The following LDB3 variants were observed in gnomAD, a reference collection of about 807,000 sequenced individuals.
LDB3 encodes the protein LIM domain binding 3.
LDB3 carries 49 observed loss-of-function variants against 69.0 expected under a neutral mutation model. That is an observed-to-expected ratio of 0.71 (90% CI 0.56 to 0.90). LDB3 has a LOEUF of 0.90. LDB3 is among the 40% of genes least tolerant of loss of function. The probability of loss-of-function intolerance (pLI) is 0.00; values close to 1 mark genes in which losing one functional copy is unlikely to be tolerated. For synonymous variants in LDB3, 387 were observed against 396.2 expected (o/e 0.98, Z 0.28); for missense variants, 928 against 974.1 (o/e 0.95, Z 0.63).
chr10:86,689,605 G>A (rs1206917806), intron 5 of LDB3, among the ~76,000 whole-genome samples: 3 of 152,160 alleles, frequency 2.0e-5, no homozygotes, highest in Non-Finnish European at 4.4e-5. Flanking sequence ...ATCTGCACTG[G>A]AACAGTGTAG....
At chr10:86,700,812 T>A (rs947360537) in intron 7 of LDB3, among the ~76,000 whole-genome samples, 1 of 152,216 alleles carries the variant, frequency 6.6e-6, no homozygotes, top group Non-Finnish European at 1.5e-5. Flanking sequence ...AAGTACCCCA[T>A]GATGGCAAAG....
intron 7 of LDB3, among the ~76,000 whole-genome samples, chr10:86,695,992 CA>C (rs1452290993): frequency 1.3e-5 from 2 of 152,364 alleles, no homozygotes; most frequent in African/African-American, 4.8e-5. Flanking sequence ...GCGTTAGGAA[CA>C]AAGCTGATCT....
At chr10:86,676,972 C>T (rs1844827169) in intron 2 of LDB3, among the ~76,000 whole-genome samples, 1 of 152,234 alleles carries the variant, frequency 6.6e-6, no homozygotes, top group Non-Finnish European at 1.5e-5. Context: ...GGGCCTTGGC[C>T]TGAATCTAGC....
chr10:86,670,423 T>C (rs1844404995), intron 2 of LDB3, among the ~76,000 whole-genome samples: 1 of 152,104 alleles, frequency 6.6e-6, no homozygotes, highest in Non-Finnish European at 1.5e-5. Flanking sequence ...ATGGGCCCTG[T>C]GGCCTCCCCT....
In LDB3 at chr10:86,684,414, G is replaced by A. The variant is rs928095966; in HGVS notation, c.689+2611G>A. Among the ~76,000 whole-genome samples, 7 of 152,368 alleles carry A rather than the reference G, an allele frequency of 4.6e-5. 1 individual carries two copies. In the South Asian group the frequency reaches 1.4e-3, roughly 32 times the overall value. On this transcript the variant is annotated intron_variant, in intron 5 of 13. Transcript: ENST00000361373. ...GGCAGAGGCAGCCCCCACCCCGCCAGGCCAACACTGCCCTCTGCAGGGGGC... is the reference window on the plus strand; with the variant it reads ...GGCAGAGGCAGCCCCCACCCCGCCAAGCCAACACTGCCCTCTGCAGGGGGC...
In LDB3 at chr10:86,734,278, C is replaced by T. The variant is rs902047064; in HGVS notation, c.*1302C>T. The T allele has an allele frequency of 2.0e-5, 3 of 152,194 alleles. No homozygotes were observed. The highest frequency in any genetic ancestry group is 1.3e-4 in the Admixed American group (2 of 15,272). The allele number at this position is 152,194 out of a possible 1,614,324, so 9.4% of individuals were successfully genotyped here. ...TAAGTATTTATTGAAGTAGAGGGGC[C>T]TTCAAACTACTTTATACTAGTGATA... On this transcript the variant is annotated 3_prime_UTR_variant, in exon 14 of 14. Coordinates refer to ENST00000361373, the MANE Select transcript of LDB3 (RefSeq NM_007078.3).
intron 9 of LDB3, among the ~76,000 whole-genome samples, chr10:86,711,930 G>A (rs1356835055): frequency 1.3e-5 from 2 of 152,080 alleles, no homozygotes; most frequent in Admixed American, 6.5e-5. Flanking sequence ...TGCGATAGGG[G>A]ACTTTTGAAC....
chr10:86,716,922 T>TA (rs1846900966), intron 10 of LDB3, 151 bp downstream of exon 10: 2 of 824,330 alleles, frequency 2.4e-6, no homozygotes, highest in Non-Finnish European at 4.0e-6. Flanking sequence ...CATCTGGTCT[T>TA]ACCTCTCTGA....
Position 86,716,665 on chromosome 10 carries a change from G to A in LDB3, c.1570G>A (p.Ala524Thr), listed in dbSNP as rs1846888689. Residue 524 changes from alanine to threonine, a missense_variant, in exon 10 of 14, where the codon GCG (alanine) becomes ACG (threonine). Physicochemically the swap from Ala to Thr is moderately conservative, Grantham distance 58. Transcript: ENST00000361373. Reference sequence around the variant, plus strand: ...CCGGGGAGGCCCAGCCTACACCCCAGCGGGTCCTCAGGTGCCACCACTTGC... The same window carrying A: ...CCGGGGAGGCCCAGCCTACACCCCAACGGGTCCTCAGGTGCCACCACTTGC... ...LPRGGPAYTP[A>T]GPQVPPLARG... The A allele has an allele frequency of 6.2e-7, 1 of 1,614,020 alleles. No individual in the cohort carries two copies. The highest frequency in any genetic ancestry group is 1.1e-5 in the South Asian group (1 of 91,078).
chr10:86,680,235 T>G, intron 4 of LDB3, 78 bp downstream of exon 4: 1 of 1,342,566 alleles, frequency 7.4e-7, no homozygotes, highest in Non-Finnish European at 1.1e-6. Context: ...TGCCTGGTCT[T>G]TGGCTGGCCC....
chr10:86,685,785 C>A (rs1236176893), intron 5 of LDB3: 1 of 1,480,934 alleles, frequency 6.8e-7, no homozygotes, highest in Non-Finnish European at 9.4e-7. Flanking sequence ...ATAGAGTGTG[C>A]CTGCTGGCAT....
chr10:86,704,107 C>T (rs917987094), intron 7 of LDB3, among the ~76,000 whole-genome samples: 1 of 151,248 alleles, frequency 6.6e-6, no homozygotes, highest in African/African-American at 2.4e-5. Context: ...GAGCGGGACT[C>T]CGTCTCAATT....
intron 5 of LDB3, among the ~76,000 whole-genome samples, chr10:86,685,903 A>G (rs1845442520): frequency 6.6e-6 from 1 of 152,048 alleles, no homozygotes; most frequent in Non-Finnish European, 1.5e-5. Context: ...TGGGGGCTCC[A>G]TCCGATGGTT....
chr10:86,732,930 A>C lies in LDB3; in HGVS notation c.2138A>C (p.Lys713Thr). 1 of 1,614,000 alleles carries C rather than the reference A, an allele frequency of 6.2e-7. No individual in the cohort carries two copies. The highest frequency in any genetic ancestry group is 8.5e-7 in the Non-Finnish European group (1 of 1,179,934). Residue 713 changes from lysine to threonine, a missense_variant, in exon 14 of 14, where the codon AAG becomes ACG. Transcript: ENST00000361373. ...GAGGGGCAGCCGTTCTACTCCAAGA[A>C]GGACAGACCCCTGTGCAAGAAGCAC... Reference protein sequence around the residue: ...NLEGQPFYSKKDRPLCKKHAH... With the variant: ...NLEGQPFYSKTDRPLCKKHAH...
In LDB3 at chr10:86,722,300, G is replaced by A. The variant is rs764020691; in HGVS notation, c.1978+3453G>A. 1.8e-3 allele frequency among the ~76,000 whole-genome samples: 278 copies of A among 152,266 alleles called. 1 individual carries two copies. Among genetic ancestry groups the A allele is most frequent in the Middle Eastern group, 3.4e-3 (1 of 294 alleles). ...TTTTGAGACGGAGTCTCGCTCTGTT[G>A]CCCAGGCTGGAGTGCAGTGGCGCGA... On this transcript the variant is annotated intron_variant, in intron 12 of 13. Transcript: ENST00000361373.
At chr10:86,725,289 A>T (rs1210739751) in intron 12 of LDB3, among the ~76,000 whole-genome samples, 1 of 152,196 alleles carries the variant, frequency 6.6e-6, no homozygotes, top group African/African-American at 2.4e-5. Flanking sequence ...CAGCTGTGGG[A>T]TGCTGGCTGG....
intron 5 of LDB3, 38 bp downstream of exon 5, chr10:86,681,841 G>A: frequency 1.3e-6 from 2 of 1,540,398 alleles, no homozygotes; most frequent in South Asian, 1.3e-5. Flanking sequence ...AGGTGGCCTG[G>A]GCCACCTGGG....
At chr10:86,726,326 C>T in intron 13 of LDB3, 74 bp downstream of exon 13, 1 of 1,103,376 alleles carries the variant, frequency 9.1e-7, no homozygotes, top group Non-Finnish European at 1.4e-6. Context: ...GATGACCAAC[C>T]TCTACATACC....
intron 2 of LDB3, among the ~76,000 whole-genome samples, chr10:86,678,646 C>A (rs918235455): frequency 6.7e-6 from 1 of 149,798 alleles, no homozygotes; most frequent in African/African-American, 2.5e-5. Flanking sequence ...CAGATGCCTG[C>A]AAATTTTTAA....
Sources: gnomAD v4.1 joint callset for allele counts (sites outside exome capture counted in the v4.1 genomes callset) on GRCh38, gnomAD v4.1.1 for gene constraint, MANE v1.5 for transcripts, NCBI Gene and HGNC (gene_info 2026-07-23, HGNC 2026-07-21) for gene names.